The following DENND5B variants were observed in gnomAD, a reference collection of about 807,000 sequenced individuals.
DENND5B encodes the protein DENN domain-containing protein 5B.
In DENND5B, 34 loss-of-function variants were observed where a neutral mutation model predicts 140.6. That is an observed-to-expected ratio of 0.24 (90% CI 0.18 to 0.32). The LOEUF is 0.32. Ranked by LOEUF, DENND5B falls within the 10% of genes least tolerant of loss-of-function variation. The pLI is 1.00. For synonymous variants in DENND5B, 551 were observed against 562.1 expected (o/e 0.98, Z 0.28); for missense variants, 1,142 against 1,560.2 (o/e 0.73, Z 4.52).
intron 16 of DENND5B, 56 bp from the exon 17 acceptor site, chr12:31,398,418 G>C (rs546235138): frequency 1.4e-6 from 2 of 1,472,690 alleles, no homozygotes; most frequent in East Asian, 2.5e-5. Context: ...CAGGGTTCCC[G>C]CTCAGCCCCC....
chr12:31,547,767 G>A (rs1288187314), intron 1 of DENND5B, among the ~76,000 whole-genome samples: 1 of 151,634 alleles, frequency 6.6e-6, no homozygotes, highest in Non-Finnish European at 1.5e-5. Flanking sequence ...GTGCAATGGT[G>A]CGATCTTGGT....
chr12:31,458,978 C>T (rs1193220695), intron 4 of DENND5B, among the ~76,000 whole-genome samples: 10 of 151,980 alleles, frequency 6.6e-5, no homozygotes, highest in Admixed American at 6.6e-5. Context: ...TTTGGGAGGC[C>T]GGGGCGGGCA....
intron 1 of DENND5B, among the ~76,000 whole-genome samples, chr12:31,498,943 A>G (rs1946891345): frequency 7.0e-6 from 1 of 142,570 alleles, no homozygotes; most frequent in African/African-American, 2.6e-5. Flanking sequence ...ACCGCACTCT[A>G]GCCTGGGTGA....
intron 1 of DENND5B, among the ~76,000 whole-genome samples, chr12:31,583,985 C>T (rs1227379311): frequency 6.6e-6 from 1 of 152,156 alleles, no homozygotes; most frequent in Non-Finnish European, 1.5e-5. Flanking sequence ...TGTATAGAAC[C>T]ATCTCTACCA....
intron 1 of DENND5B, among the ~76,000 whole-genome samples, chr12:31,587,442 G>A (rs549382375): frequency 6.8e-5 from 10 of 147,574 alleles, no homozygotes; most frequent in Non-Finnish European, 1.0e-4. Flanking sequence ...AGCAAATCTC[G>A]TTGGGCCTAC....
chr12:31,421,196 A>T (rs966418538), intron 11 of DENND5B, among the ~76,000 whole-genome samples: 1 of 151,824 alleles, frequency 6.6e-6, no homozygotes, highest in African/African-American at 2.4e-5. Context: ...GACACCTGCC[A>T]CCCATGCCTG....
intron 13 of DENND5B, among the ~76,000 whole-genome samples, chr12:31,409,841 G>A (rs1220616465): frequency 1.3e-5 from 2 of 151,714 alleles, no homozygotes; most frequent in African/African-American, 4.8e-5. Flanking sequence ...TCGCTATATT[G>A]CCCAGGCTGG....
At chr12:31,420,371 A>G (rs1294195625) in intron 11 of DENND5B, among the ~76,000 whole-genome samples, 1 of 151,906 alleles carries the variant, frequency 6.6e-6, no homozygotes, top group Non-Finnish European at 1.5e-5. Context: ...TCCTGGGCTC[A>G]AGTGATCCTT....
At chr12:31,430,249 T>C (rs1475823752) in intron 8 of DENND5B, among the ~76,000 whole-genome samples, 1 of 147,404 alleles carries the variant, frequency 6.8e-6, no homozygotes, top group African/African-American at 2.5e-5. Flanking sequence ...ACTCGAACTC[T>C]TGTTCTCAAG....
intron 1 of DENND5B, among the ~76,000 whole-genome samples, chr12:31,507,912 T>G (rs762765964): frequency 8.5e-5 from 13 of 152,250 alleles, no homozygotes; most frequent in Non-Finnish European, 1.2e-4. Flanking sequence ...ATTACTAAAT[T>G]AGAAACACAT....
chr12:31,523,472 C>A (rs570095971), intron 1 of DENND5B, among the ~76,000 whole-genome samples: 135 of 152,192 alleles, frequency 8.9e-4, no homozygotes, highest in Admixed American at 1.9e-3. Context: ...AATGCAGTGG[C>A]CTAAGTGTAA....
chr12:31,578,642 T>C (rs1592087360), intron 1 of DENND5B, among the ~76,000 whole-genome samples: 1 of 152,210 alleles, frequency 6.6e-6, no homozygotes, highest in Non-Finnish European at 1.5e-5. Flanking sequence ...CCACTTATTT[T>C]AAAATATATA....
intron 11 of DENND5B, among the ~76,000 whole-genome samples, chr12:31,419,726 C>A (rs1429168221): frequency 1.3e-5 from 2 of 152,038 alleles, no homozygotes; most frequent in Non-Finnish European, 2.9e-5. Context: ...GTAATCCCAG[C>A]ACTTTGGGAG....
chr12:31,391,431 A>G (rs549200022), intron 19 of DENND5B, among the ~76,000 whole-genome samples: 103 of 152,272 alleles, frequency 6.8e-4, no homozygotes, highest in African/African-American at 2.4e-3. Context: ...TTCCAGATCA[A>G]TGGTCACATT....
intron 3 of DENND5B, among the ~76,000 whole-genome samples, chr12:31,469,222 T>C (rs1945424632): frequency 6.6e-6 from 1 of 151,216 alleles, no homozygotes; most frequent in African/African-American, 2.4e-5. Flanking sequence ...TAATCCCAGC[T>C]ACTCGGGAGG....
At chr12:31,433,426 A>G (rs1371281500) in intron 7 of DENND5B, among the ~76,000 whole-genome samples, 178 bp from the exon 8 acceptor site, 1 of 152,204 alleles carries the variant, frequency 6.6e-6, no homozygotes, top group African/African-American at 2.4e-5. Context: ...ACATACAACC[A>G]AACGGTTTTT....
chr12:31,436,568 CTT>C (rs934787526), intron 7 of DENND5B, among the ~76,000 whole-genome samples: 7 of 150,994 alleles, frequency 4.6e-5, no homozygotes, highest in African/African-American at 1.5e-4. Flanking sequence ...GAGTTTTGCT[CTT>C]GTCACCCAGG....
chr12:31,584,557 T>C (rs978033875), intron 1 of DENND5B, among the ~76,000 whole-genome samples: 6 of 152,118 alleles, frequency 3.9e-5, no homozygotes, highest in Non-Finnish European at 8.8e-5. Flanking sequence ...TCACTGCCTG[T>C]AATCCCAGCA....
chr12:31,577,506 C>T (rs569973616), intron 1 of DENND5B, among the ~76,000 whole-genome samples: 34 of 151,490 alleles, frequency 2.2e-4, no homozygotes, highest in African/African-American at 7.5e-4. Context: ...GTCAGGAGAT[C>T]GAGACCTTCC....
Sources: allele counts gnomAD v4.1 joint callset (sites outside exome capture counted in the v4.1 genomes callset), GRCh38; gene constraint gnomAD v4.1.1; transcripts MANE v1.5; gene names NCBI Gene and HGNC (gene_info 2026-07-23, HGNC 2026-07-21).